ZMIZ1: variants seen among roughly 807,000 people sequenced by gnomAD.
The protein encoded by ZMIZ1 is zinc finger MIZ-type containing 1, also known as zinc finger MIZ domain-containing protein 1.
A neutral mutation model predicts 113.9 loss-of-function variants in ZMIZ1; 17 were observed. The ratio of observed to expected loss-of-function variants is 0.15; its 90% CI spans 0.10 to 0.22. The LOEUF (loss-of-function observed/expected upper bound fraction) is 0.22. Ranked by LOEUF, ZMIZ1 falls within the 10% of genes least tolerant of loss-of-function variation. The pLI is 1.00. For synonymous variants in ZMIZ1, 607 were observed against 603.1 expected (o/e 1.01, Z -0.09); for missense variants, 1,059 against 1,477.8 (o/e 0.72, Z 4.65).
intron 4 of ZMIZ1, among the ~76,000 whole-genome samples, chr10:79,195,490 C>T (rs1847795499): frequency 2.0e-5 from 3 of 152,206 alleles, no homozygotes; most frequent in Admixed American, 6.5e-5. Context: ...GGCGGGAGCC[C>T]GGCCTCTCCG....
chr10:79,087,387 G>A (rs1380447888), intron 1 of ZMIZ1, among the ~76,000 whole-genome samples: 1 of 152,112 alleles, frequency 6.6e-6, no homozygotes, highest in Non-Finnish European at 1.5e-5. Context: ...CCCCAGGGCT[G>A]TACCCCGTGA....
intron 3 of ZMIZ1, among the ~76,000 whole-genome samples, chr10:79,144,614 G>A (rs1460889170): frequency 6.6e-6 from 1 of 152,182 alleles, no homozygotes; most frequent in East Asian, 1.9e-4. Context: ...CTTTGGCACC[G>A]GCTCCGGTGG....
At chr10:79,119,958 G>A (rs1172493497) in intron 2 of ZMIZ1, among the ~76,000 whole-genome samples, 1 of 120,718 alleles carries the variant, frequency 8.3e-6, no homozygotes, top group Non-Finnish European at 1.8e-5. Context: ...AGGGAAAGGG[G>A]CCTGTCCCAC....
intron 4 of ZMIZ1, among the ~76,000 whole-genome samples, chr10:79,199,749 A>G (rs964590181): frequency 1.3e-5 from 2 of 152,240 alleles, no homozygotes; most frequent in African/African-American, 4.8e-5. Flanking sequence ...GTCTGGACCC[A>G]GGACTCGATA....
chr10:79,192,186 C>T (rs1288233589), intron 4 of ZMIZ1, among the ~76,000 whole-genome samples: 1 of 152,202 alleles, frequency 6.6e-6, no homozygotes, highest in Non-Finnish European at 1.5e-5. Context: ...GTGCCATGTG[C>T]CCAGAAAGAC....
At chr10:79,117,197 T>C (rs755345112) in intron 1 of ZMIZ1, among the ~76,000 whole-genome samples, 9 of 152,188 alleles carry the variant, frequency 5.9e-5, no homozygotes, top group Non-Finnish European at 1.2e-4. Flanking sequence ...TCTCTATAAC[T>C]CACAAAATGT....
At chr10:79,292,472 C>A in intron 11 of ZMIZ1, 116 bp downstream of exon 11, 1 of 1,387,090 alleles carries the variant, frequency 7.2e-7, no homozygotes, top group Non-Finnish European at 9.9e-7. Flanking sequence ...GGAGAGCTGA[C>A]TGCATTAGGG....
chr10:79,153,815 C>T (rs951552829), intron 3 of ZMIZ1, among the ~76,000 whole-genome samples: 8 of 152,242 alleles, frequency 5.3e-5, no homozygotes, highest in East Asian at 1.9e-4. Flanking sequence ...CGCCACCACC[C>T]GCTAGCAAGA....
At chr10:79,080,950 C>A (rs1157544111) in intron 1 of ZMIZ1, among the ~76,000 whole-genome samples, 1 of 152,026 alleles carries the variant, frequency 6.6e-6, no homozygotes, top group African/African-American at 2.4e-5. Flanking sequence ...ACCTTTGATT[C>A]CCAAGACCAT....
intron 1 of ZMIZ1, among the ~76,000 whole-genome samples, chr10:79,070,264 C>T (rs1842218757): frequency 1.3e-5 from 2 of 151,934 alleles, no homozygotes; most frequent in Non-Finnish European, 2.9e-5. Context: ...GCGCGTCGCC[C>T]CCTCGCTGGG....
At chr10:79,127,114 G>T (rs1564666659) in intron 2 of ZMIZ1, among the ~76,000 whole-genome samples, 1 of 152,170 alleles carries the variant, frequency 6.6e-6, no homozygotes, top group Admixed American at 6.5e-5. Context: ...TCCTGCTGGG[G>T]ACAGGGAGGG....
At chr10:79,186,615 G>A (rs1847362659) in intron 4 of ZMIZ1, among the ~76,000 whole-genome samples, 2 of 152,218 alleles carry the variant, frequency 1.3e-5, no homozygotes, top group Non-Finnish European at 1.5e-5. Context: ...ATATGCAACT[G>A]CCACTTAAGC....
intron 7 of ZMIZ1, among the ~76,000 whole-genome samples, chr10:79,250,838 T>C (rs1404977777): frequency 1.3e-5 from 2 of 152,044 alleles, no homozygotes. Context: ...TTCTGGGAGC[T>C]GGGGAAGGGT....
intron 1 of ZMIZ1, among the ~76,000 whole-genome samples, chr10:79,072,353 A>G (rs1280024723): frequency 1.3e-5 from 2 of 152,176 alleles, no homozygotes; most frequent in African/African-American, 2.4e-5. Context: ...CCAACATAGG[A>G]CAGGTGTCCA....
Position 79,297,667 on chromosome 10 carries a change from T to G in ZMIZ1, c.1468T>G (p.Tyr490Asp). 1 of 1,614,120 alleles carries G rather than the reference T, an allele frequency of 6.2e-7. No homozygotes were observed. The highest frequency in any genetic ancestry group is 1.1e-5 in the South Asian group (1 of 91,088). ...NTFSGSSYSNYSQGNVNRPPR... is the reference protein window; with the variant it reads ...NTFSGSSYSNDSQGNVNRPPR... ...GTTCTCGGGAAGCAGCTACAGTAAC[T>G]ACAGCCAAGGGAATGTCAACAGGGT... The change falls in exon 14 of 25, where the codon TAC (tyrosine) becomes GAC (aspartate). Residue 490 changes from tyrosine to aspartate, a missense_variant. Tyr to Asp is a radical substitution (Grantham distance 160). Transcript: ENST00000334512.
chr10:79,244,777 G>T (rs938920851), intron 7 of ZMIZ1, among the ~76,000 whole-genome samples: 11 of 152,224 alleles, frequency 7.2e-5, no homozygotes, highest in South Asian at 4.1e-4. Context: ...CAGAAATCTG[G>T]CTGAGGAGTG....
intron 21 of ZMIZ1, among the ~76,000 whole-genome samples, chr10:79,305,826 G>A (rs892174865): frequency 2.0e-5 from 3 of 152,174 alleles, no homozygotes; most frequent in African/African-American, 7.2e-5. Context: ...GGCTGACAGT[G>A]CCCCGCCCCG....
At chr10:79,288,421 T>C (rs1380508969) in intron 8 of ZMIZ1, among the ~76,000 whole-genome samples, 1 of 152,136 alleles carries the variant, frequency 6.6e-6, no homozygotes, top group Non-Finnish European at 1.5e-5. Flanking sequence ...CCTTTGCCAT[T>C]TGCTGTCTCC....
At chr10:79,249,998 A>G (rs1413200394) in intron 7 of ZMIZ1, among the ~76,000 whole-genome samples, 1 of 152,152 alleles carries the variant, frequency 6.6e-6, no homozygotes, top group African/African-American at 2.4e-5. Context: ...AGTGCAGTAG[A>G]GCTACTTGTC....
Sources: gnomAD v4.1 joint callset for allele counts (sites outside exome capture counted in the v4.1 genomes callset) on GRCh38, gnomAD v4.1.1 for gene constraint, MANE v1.5 for transcripts, NCBI Gene and HGNC (gene_info 2026-07-23, HGNC 2026-07-21) for gene names.